Variants in ITGB3 observed in about 807,000 individuals in gnomAD.
The protein encoded by ITGB3 is integrin subunit beta 3, also known as integrin beta-3.
Under a neutral mutation model 85.8 loss-of-function variants are expected in ITGB3, and 48 were observed. That is an observed-to-expected ratio of 0.56 (90% CI 0.44 to 0.71). The LOEUF is 0.71. Ranked by LOEUF, ITGB3 falls within the 30% of genes least tolerant of loss-of-function variation. The probability of loss-of-function intolerance (pLI) is 0.00; values close to 1 mark genes in which losing one functional copy is unlikely to be tolerated. For synonymous variants in ITGB3, 363 were observed against 395.6 expected (o/e 0.92, Z 0.98); for missense variants, 861 against 1,019.1 (o/e 0.84, Z 2.11).
At position 47,263,813 on chromosome 17, in the gene ITGB3, A is replaced by G. The variant is rs369678862; in HGVS notation, c.79+9873A>G. 5.9e-5 allele frequency among the ~76,000 whole-genome samples: 9 copies of G among 152,278 alleles called. No homozygotes were observed. The South Asian group carries it at 8.3e-4, about 14-fold the overall frequency. Reference sequence around the variant, plus strand: ...CTATCCTGCTTTATTTTCTTACAGCATGAAGGGTCAATGAAAGGATATGGC... The same window carrying G: ...CTATCCTGCTTTATTTTCTTACAGCGTGAAGGGTCAATGAAAGGATATGGC... On this transcript the variant is annotated intron_variant, in intron 1 of 14. Transcript: ENST00000559488.
In ITGB3 at chr17:47,299,181, A is replaced by G; in HGVS notation, c.1691-127A>G. On this transcript the variant is annotated intron_variant, in intron 10 of 14. Transcript: ENST00000559488. This position sits in a 1 kb window ranked among gnomAD's most constrained non-coding sequence, Gnocchi z 5.1. ...GTAGGACTCCCCTGGGTGGTGAGCC[A>G]ATTCCCTGCCAACCTGGAGGATCAT... 1.1e-6 allele frequency: 1 copy of G among 948,016 alleles called. No individual in the cohort carries two copies. The highest frequency in any genetic ancestry group is 2.0e-5 in the Admixed American group (1 of 51,028). The allele number at this position is 948,016 out of a possible 1,614,324, so 58.7% of individuals were successfully genotyped here.
chr17:47,257,510 C>T (rs2064994658), intron 1 of ITGB3, among the ~76,000 whole-genome samples: 1 of 152,200 alleles, frequency 6.6e-6, no homozygotes, highest in Non-Finnish European at 1.5e-5. Context: ...CACTGCCTGG[C>T]ACATAGGCAG....
intron 14 of ITGB3, among the ~76,000 whole-genome samples, chr17:47,308,857 T>C (rs756316742): frequency 3.9e-5 from 6 of 152,140 alleles, no homozygotes; most frequent in Non-Finnish European, 7.4e-5. Context: ...TGGAAAATAG[T>C]TTGGGAAACC....
At chr17:47,278,240 C>T (rs1396587643) in intron 2 of ITGB3, among the ~76,000 whole-genome samples, 1 of 152,136 alleles carries the variant, frequency 6.6e-6, no homozygotes, top group Non-Finnish European at 1.5e-5. Flanking sequence ...GGCATATTGA[C>T]TCTCGCTCTC....
rs765078053 is a variant in ITGB3, at chr17:47,286,317, C to G, written c.672C>G (p.Asp224Glu). Residue 224 changes from aspartate (D) to glutamate (E), a missense_variant, in exon 5 of 15, where the codon GAC becomes GAG. By Grantham distance (45) the Asp-to-Glu change is conservative. Transcript: ENST00000559488. ...FGYKHVLTLT[D>E]QVTRFNEEVK... is the part of the protein sequence containing the mutation. ...ACAAACACGTGCTGACGCTAACTGA[C>G]CAGGTGACCCGCTTCAATGAGGAAG... is the stretch of plus-strand genomic sequence containing the variant. 12 of 1,614,176 alleles carry G rather than the reference C, an allele frequency of 7.4e-6. No individual in the cohort carries two copies. Among genetic ancestry groups the G allele is most frequent in the Admixed American group, 1.7e-5 (1 of 60,016 alleles).
intron 1 of ITGB3, among the ~76,000 whole-genome samples, chr17:47,273,235 G>A (rs2065051745): frequency 6.6e-6 from 1 of 152,234 alleles, no homozygotes; most frequent in Non-Finnish European, 1.5e-5. Context: ...CATCGCAATG[G>A]TCAGGCTGAT....
rs941154306 is a variant in ITGB3 at position 47,253,893 on chromosome 17, G to T, written c.32G>T (p.Trp11Leu). The T allele has an allele frequency of 1.5e-6, 2 of 1,337,248 alleles. No individual in the cohort carries two copies. The highest frequency in any genetic ancestry group is 1.9e-6 in the Non-Finnish European group (2 of 1,039,850). The allele number at this position is 1,337,248 out of a possible 1,614,324, so 82.8% of individuals were successfully genotyped here. A position where few individuals can be genotyped will look rare whatever the true frequency, so the allele number is the denominator to read the frequency against. ...GCGCGGCCGCGGCCCCGGCCGCTCT[G>T]GGCGACTGTGCTGGCGCTGGGGGCG... The part of the protein sequence containing the change: MRARPRPRPL[W>L]ATVLALGALA... Residue 11 changes from tryptophan (W) to leucine (L), a missense_variant, in exon 1 of 15, where the codon TGG (tryptophan) becomes TTG (leucine). Coordinates refer to ENST00000559488, the MANE Select transcript of ITGB3 (RefSeq NM_000212.3).
At chr17:47,274,581 C>T in intron 2 of ITGB3, 77 bp downstream of exon 2, 5 of 1,250,522 alleles carry the variant, frequency 4.0e-6, no homozygotes, top group South Asian at 1.2e-5. Flanking sequence ...ATGAAGTTAT[C>T]ACCTCCCTCT....
rs550156067 is a variant in ITGB3 at position 47,298,487 on chromosome 17, C to G, written c.1691-821C>G. Among the ~76,000 whole-genome samples, 5 of 152,286 alleles carry G rather than the reference C, an allele frequency of 3.3e-5. No homozygotes were observed. The East Asian group carries it at 9.6e-4, about 29-fold the overall frequency. The stretch of plus-strand genomic sequence containing the variant: ...GGATGCCCCACCCCATCTACCCATA[C>G]ATTCAGGGTGCTCTGTGTGCACTTT... On this transcript the variant is annotated intron_variant, in intron 10 of 14. Coordinates refer to ENST00000559488, the MANE Select transcript of ITGB3 (RefSeq NM_000212.3).
In ITGB3 at chr17:47,253,939, A is replaced by T; in HGVS notation, c.78A>T (p.Gly26=). The T allele has an allele frequency of 7.1e-7, 1 of 1,416,812 alleles. No individual in the cohort carries two copies. Among genetic ancestry groups the T allele is most frequent in the Non-Finnish European group, 9.3e-7 (1 of 1,079,036 alleles). The allele number at this position is 1,416,812 out of a possible 1,614,324, so 87.8% of individuals were successfully genotyped here. The part of the protein sequence containing the change: ...ALGALAGVGV[G]GPNICTTRGV... ...GGGCGCTGGCGGGCGTTGGCGTAGG[A>T]GGTGAGTGAGGCTCCGGCTCGGCAG... is the stretch of plus-strand genomic sequence containing the variant. The change falls in exon 1 of 15, where the codon GGA becomes GGT. Residue 26 remains glycine (G), a splice_region_variant and synonymous_variant. Coordinates refer to ENST00000559488, the MANE Select transcript of ITGB3 (RefSeq NM_000212.3).
intron 11 of ITGB3, 106 bp from the exon 12 acceptor site, chr17:47,300,368 TTTTA>T: frequency 2.6e-6 from 2 of 778,054 alleles, no homozygotes; most frequent in Non-Finnish European, 4.5e-6. Flanking sequence ...TGTGTGTGTG[TTTTA>T]ATGGAGGTGG....
intron 1 of ITGB3, among the ~76,000 whole-genome samples, chr17:47,267,164 A>G (rs1169524582): frequency 3.9e-5 from 6 of 152,232 alleles, no homozygotes; most frequent in African/African-American, 1.4e-4. Flanking sequence ...TGTTGTGCTC[A>G]GAGTTTTACA....
rs1270902597 is a variant in ITGB3, at chr17:47,312,616, CTG to C, written c.*2414_*2415del. Among the ~76,000 whole-genome samples, 1 of 152,118 alleles carries C rather than the reference CTG, an allele frequency of 6.6e-6. No individual in the cohort carries two copies. The highest frequency in any genetic ancestry group is 1.5e-5 in the Non-Finnish European group (1 of 68,030). On this transcript the variant is annotated 3_prime_UTR_variant, in exon 15 of 15. Coordinates refer to ENST00000559488, the MANE Select transcript of ITGB3 (RefSeq NM_000212.3). The stretch of plus-strand genomic sequence containing the variant: ...AGATAAGATGTTTTATATGAAGAAA[CTG>C]TATCAAAGGGGGAAGAAAATGTATT...
At chr17:47,262,963 C>T (rs982527657) in intron 1 of ITGB3, among the ~76,000 whole-genome samples, 35 of 152,112 alleles carry the variant, frequency 2.3e-4, no homozygotes, top group African/African-American at 7.7e-4. Context: ...GGTGCTTGGC[C>T]GATGTGGCTG....
At chr17:47,298,350 T>TCTC (rs2065153418) in intron 10 of ITGB3, among the ~76,000 whole-genome samples, 1 of 152,202 alleles carries the variant, frequency 6.6e-6, no homozygotes, top group Non-Finnish European at 1.5e-5. Flanking sequence ...ATGGGATTTG[T>TCTC]TTAACTGCAC....
rs2065219076 is a variant in ITGB3 at position 47,312,436 on chromosome 17, A to G, written c.*2232A>G. Among the ~76,000 whole-genome samples the G allele has an allele frequency of 6.6e-6, 1 of 152,192 alleles. No individual in the cohort carries two copies. Among genetic ancestry groups the G allele is most frequent in the Non-Finnish European group, 1.5e-5 (1 of 68,030 alleles). Reference sequence around the variant, plus strand: ...GGGAGGGATAGTCATGGATCCAAGAAGTCCTTAGAAATAGTGGCAGGGAAC... The same window carrying G: ...GGGAGGGATAGTCATGGATCCAAGAGGTCCTTAGAAATAGTGGCAGGGAAC... On this transcript the variant is annotated 3_prime_UTR_variant, in exon 15 of 15. Transcript: ENST00000559488.
intron 6 of ITGB3, among the ~76,000 whole-genome samples, chr17:47,288,228 G>A (rs1232452024): frequency 1.5e-5 from 2 of 133,770 alleles, no homozygotes; most frequent in Non-Finnish European, 3.2e-5. Context: ...GAGAGAGAGA[G>A]AGAGAGAGAG....
chr17:47,281,036 G>A (rs1040577714), intron 2 of ITGB3, among the ~76,000 whole-genome samples: 1 of 152,144 alleles, frequency 6.6e-6, no homozygotes, highest in Non-Finnish European at 1.5e-5. Flanking sequence ...GTAAGATTGG[G>A]TTCCTTATTT....
Position 47,292,497 on chromosome 17 carries a change from G to A in ITGB3, c.1619G>A (p.Gly540Asp). ...GQCVCHSSDF[G>D]KITGKYCECD... is the part of the protein sequence containing the mutation. ...TGTGTCTGCCACAGCAGTGACTTTG[G>A]CAAGATCACGGGCAAGTACTGCGAG... Residue 540 changes from glycine to aspartate, a missense_variant, in exon 10 of 15, where the codon GGC (glycine) becomes GAC (aspartate). Physicochemically the swap from Gly to Asp is moderately conservative, Grantham distance 94 (BLOSUM62 -1). Transcript: ENST00000559488. The A allele has an allele frequency of 6.2e-7, 1 of 1,609,166 alleles. No homozygotes were observed. Among genetic ancestry groups the A allele is most frequent in the Non-Finnish European group, 8.5e-7 (1 of 1,179,406 alleles).
Sources: allele counts gnomAD v4.1 joint callset (sites outside exome capture counted in the v4.1 genomes callset), GRCh38; gene constraint gnomAD v4.1.1; non-coding constraint Gnocchi (gnomAD v3.1); transcripts MANE v1.5; gene names NCBI Gene and HGNC (gene_info 2026-07-23, HGNC 2026-07-21).